SMURF2: variants seen among roughly 807,000 people sequenced by gnomAD.
The protein encoded by SMURF2 is E3 ubiquitin-protein ligase SMURF2.
In SMURF2, 48 loss-of-function variants were observed where a neutral mutation model predicts 109.6. That is an observed-to-expected ratio of 0.44 (90% CI 0.35 to 0.56). The LOEUF (loss-of-function observed/expected upper bound fraction) is 0.56. SMURF2 is among the 20% of genes least tolerant of loss of function. The probability of loss-of-function intolerance (pLI) is 0.01; values close to 1 mark genes in which losing one functional copy is unlikely to be tolerated. For missense variants in SMURF2, 575 were observed against 909.0 expected, an observed-to-expected ratio of 0.63 and a Z score of 4.72; for synonymous variants, 288 against 317.1, an observed-to-expected ratio of 0.91 and a Z score of 0.97.
chr17:64,661,812 C>T lies in SMURF2; in HGVS notation c.52+17G>A, dbSNP rs2144746377. ...CCACCCCGCGGCTGCCCAGCCCGGC[C>T]CGCCGCCCCCCCTCACCTGTCAGGC... is the stretch of plus-strand genomic sequence containing the variant. On this transcript the variant is annotated intron_variant, in intron 1 of 18. Coordinates refer to ENST00000262435, the MANE Select transcript of SMURF2 (RefSeq NM_022739.4). 2 of 1,221,210 alleles carry T rather than the reference C, an allele frequency of 1.6e-6. No individual in the cohort carries two copies. The highest frequency in any genetic ancestry group is 4.1e-5 in the South Asian group (1 of 24,460). 75.6% of individuals were successfully genotyped at this position (1,221,210 alleles called of 1,614,324 possible).
rs549906692 is a variant in SMURF2 at position 64,635,017 on chromosome 17, C to T, written c.52+26812G>A. 5.3e-5 allele frequency among the ~76,000 whole-genome samples: 8 copies of T among 152,102 alleles called. No individual in the cohort carries two copies. The South Asian group carries it at 1.7e-3, about 32-fold the overall frequency. Reference sequence around the variant, plus strand: ...TATTTGTTATGACAAGTTTTTTTCCCATTTGTTTCCAGATAAAAGTCACAT... The same window carrying T: ...TATTTGTTATGACAAGTTTTTTTCCTATTTGTTTCCAGATAAAAGTCACAT... On this transcript the variant is annotated intron_variant, in intron 1 of 18. Coordinates refer to ENST00000262435, the MANE Select transcript of SMURF2 (RefSeq NM_022739.4).
chr17:64,646,462 C>T (rs553964826), intron 1 of SMURF2, among the ~76,000 whole-genome samples: 1 of 150,464 alleles, frequency 6.6e-6, no homozygotes, highest in African/African-American at 2.5e-5. Context: ...CGGCTCACTG[C>T]AACCTCTGCC....
At chr17:64,608,213 T>C (rs1171460864) in intron 1 of SMURF2, among the ~76,000 whole-genome samples, 1 of 152,072 alleles carries the variant, frequency 6.6e-6, no homozygotes, top group Non-Finnish European at 1.5e-5. Context: ...ATTACAGTTA[T>C]TGGAAGTTTA....
At chr17:64,654,956 C>T (rs558986824) in intron 1 of SMURF2, among the ~76,000 whole-genome samples, 5 of 151,856 alleles carry the variant, frequency 3.3e-5, no homozygotes, top group South Asian at 2.1e-4. Flanking sequence ...GGATAACAGG[C>T]GTGAGTCACC....
chr17:64,662,235 G>C lies in SMURF2; in HGVS notation c.-355C>G, dbSNP rs1970794312. The C allele has an allele frequency of 2.0e-6, 2 of 983,180 alleles. No homozygotes were observed. The highest frequency in any genetic ancestry group is 2.3e-4 in the East Asian group (2 of 8,760). 60.9% of individuals were successfully genotyped at this position (983,180 alleles called of 1,614,324 possible). On this transcript the variant is annotated 5_prime_UTR_variant, in exon 1 of 19. Coordinates refer to ENST00000262435, the MANE Select transcript of SMURF2 (RefSeq NM_022739.4). ...TAGCCGACGGGGCTGGTCGGCTGAAGCGGGCGGTGCTCGGGGGCGCCGGAG... is the reference window on the plus strand; with the variant it reads ...TAGCCGACGGGGCTGGTCGGCTGAACCGGGCGGTGCTCGGGGGCGCCGGAG...
intron 1 of SMURF2, among the ~76,000 whole-genome samples, chr17:64,643,026 C>A (rs965390615): frequency 2.6e-5 from 4 of 151,820 alleles, no homozygotes; most frequent in South Asian, 2.1e-4. Flanking sequence ...TGAATTTTAC[C>A]CTTTATTTTT....
In SMURF2 at chr17:64,557,567, GCATTATTGGTCACAATTCACAT is replaced by G; in HGVS notation, c.1431+19_1431+40del. The G allele has an allele frequency of 1.6e-6, 2 of 1,232,660 alleles. No homozygotes were observed. Among genetic ancestry groups the G allele is most frequent in the Non-Finnish European group, 2.4e-6 (2 of 840,366 alleles). The allele number at this position is 1,232,660 out of a possible 1,614,324, so 76.4% of individuals were successfully genotyped here. On this transcript the variant is annotated intron_variant, in intron 13 of 18. Transcript: ENST00000262435. Reference sequence around the variant, plus strand: ...CTACATTAACATGTAAACATGAAAAGCATTATTGGTCACAATTCACATCATAACTTCAAATCATACCGGATTA... The same window carrying G: ...CTACATTAACATGTAAACATGAAAAGCATAACTTCAAATCATACCGGATTA...
chr17:64,571,986 C>A (rs1555685610), intron 9 of SMURF2, 30 bp from the exon 10 acceptor site: 2 of 1,585,104 alleles, frequency 1.3e-6, no homozygotes, highest in East Asian at 4.5e-5. Flanking sequence ...ATAAAAAATA[C>A]CTCATTGCTC....
At chr17:64,631,997 C>G (rs530103903) in intron 1 of SMURF2, among the ~76,000 whole-genome samples, 1 of 146,314 alleles carries the variant, frequency 6.8e-6, no homozygotes, top group Admixed American at 6.9e-5. Flanking sequence ...GAGGCACACT[C>G]GCCCACGCTG....
Position 64,542,821 on chromosome 17 carries a change from C to G in SMURF2, c.*3027G>C, listed in dbSNP as rs549508703. 6.6e-6 allele frequency: 1 copy of G among 152,296 alleles called. No homozygotes were observed. The highest frequency in any genetic ancestry group is 1.5e-5 in the Non-Finnish European group (1 of 68,032). The allele number at this position is 152,296 out of a possible 1,614,324, so 9.4% of individuals were successfully genotyped here. A position where few individuals can be genotyped will look rare whatever the true frequency, so the allele number is the denominator to read the frequency against. ...TGTAAATACATGAAAGAAAAAAAGG[C>G]TTGGTAAAAAACCCATTCGGGGCAA... is the stretch of plus-strand genomic sequence containing the variant. On this transcript the variant is annotated 3_prime_UTR_variant, in exon 19 of 19. Transcript: ENST00000262435.
chr17:64,614,854 T>C (rs1970100061), intron 1 of SMURF2, among the ~76,000 whole-genome samples: 1 of 152,226 alleles, frequency 6.6e-6, no homozygotes, highest in African/African-American at 2.4e-5. Flanking sequence ...TCAGGTATAA[T>C]TCAAATACCA....
At chr17:64,602,676 C>T (rs543714302) in intron 2 of SMURF2, among the ~76,000 whole-genome samples, 137 of 152,282 alleles carry the variant, frequency 9.0e-4, no homozygotes, top group African/African-American at 3.2e-3. Context: ...CGCCTGTAAT[C>T]CCAGCACTTT....
At chr17:64,611,660 A>G (rs1428599941) in intron 1 of SMURF2, among the ~76,000 whole-genome samples, 1 of 152,074 alleles carries the variant, frequency 6.6e-6, no homozygotes, top group Admixed American at 6.6e-5. Flanking sequence ...TTAGTCCACC[A>G]TCTACTGTCT....
intron 1 of SMURF2, among the ~76,000 whole-genome samples, chr17:64,619,352 C>A (rs1970168488): frequency 6.6e-6 from 1 of 151,520 alleles, no homozygotes. Context: ...GTGGCATGTG[C>A]CTGTAGTCCC....
At chr17:64,554,775 T>A (rs1412092301) in intron 15 of SMURF2, 81 bp downstream of exon 15, 10 of 1,309,132 alleles carry the variant, frequency 7.6e-6, no homozygotes, top group Non-Finnish European at 9.7e-6. Flanking sequence ...TAAGTAGTAC[T>A]ATCTAAATAT....
intron 9 of SMURF2, 87 bp downstream of exon 9, chr17:64,578,405 A>G (rs1969529803): frequency 1.1e-6 from 1 of 871,418 alleles, no homozygotes; most frequent in South Asian, 1.6e-5. Context: ...AACTATTTTT[A>G]AAAGGTAAAA....
intron 3 of SMURF2, among the ~76,000 whole-genome samples, chr17:64,594,890 T>C (rs1340786147): frequency 6.6e-6 from 1 of 152,012 alleles, no homozygotes; most frequent in Non-Finnish European, 1.5e-5. Flanking sequence ...CTTGGGAGGC[T>C]GAGGCAGGAG....
chr17:64,563,081 CT>C, intron 10 of SMURF2, 115 bp from the exon 11 acceptor site: 1 of 930,422 alleles, frequency 1.1e-6, no homozygotes, highest in Non-Finnish European at 1.5e-6. Flanking sequence ...TTTTCCAAGC[CT>C]TAGTAGAACA....
Position 64,547,929 on chromosome 17 carries a change from A to G in SMURF2, c.1870-128T>C, listed in dbSNP as rs1295477343. 1 of 726,096 alleles carries G rather than the reference A, an allele frequency of 1.4e-6. No individual in the cohort carries two copies. The highest frequency in any genetic ancestry group is 2.3e-6 in the Non-Finnish European group (1 of 435,016). The allele number at this position is 726,096 out of a possible 1,614,324, so 45.0% of individuals were successfully genotyped here. ...GTTCCTAATTAAAGATGCACATCAG[A>G]ATCATCTGAAAAGCTTTTCAAATTG... On this transcript the variant is annotated intron_variant, in intron 16 of 18. Transcript: ENST00000262435. This position sits in a 1 kb window ranked among gnomAD's most constrained non-coding sequence, Gnocchi z 4.2.
Sources: gnomAD v4.1 joint callset for allele counts (sites outside exome capture counted in the v4.1 genomes callset) on GRCh38, gnomAD v4.1.1 for gene constraint, Gnocchi (gnomAD v3.1) non-coding constraint, MANE v1.5 for transcripts, NCBI Gene and HGNC (gene_info 2026-07-23, HGNC 2026-07-21) for gene names.